Variants in DPH6 observed in about 807,000 individuals in gnomAD.
The protein encoded by DPH6 is diphthamine biosynthesis 6, also known as diphthine--ammonia ligase.
A neutral mutation model predicts 38.2 loss-of-function variants in DPH6; 33 were observed. That is an observed-to-expected ratio of 0.86 (90% confidence interval 0.65 to 1.15). DPH6 has a LOEUF of 1.15. DPH6 is among the 50% of genes most tolerant of loss of function. DPH6 has a pLI of 0.00. For synonymous variants in DPH6, 108 were observed against 103.0 expected (o/e 1.05, Z -0.30); for missense variants, 325 against 320.0 (o/e 1.02, Z -0.12).
chr15:35,186,256 G>A, the DPH6 span, among the ~76,000 whole-genome samples: 1 of 152,044 alleles, frequency 6.6e-6, no homozygotes, highest in Non-Finnish European at 1.5e-5. Context: ...AGAAAACCTG[G>A]GGAGGGGGCA....
chr15:35,285,898 C>T (rs1476071103), intron 3 of DPH6, among the ~76,000 whole-genome samples: 7 of 2,354 alleles, frequency 3.0e-3, no homozygotes, highest in Non-Finnish European at 3.4e-3. Context: ...TTACCTGAGA[C>T]CACTTGTTCA....
At chr15:35,291,012 G>C (rs1229571780) in intron 3 of DPH6, among the ~76,000 whole-genome samples, 1 of 151,908 alleles carries the variant, frequency 6.6e-6, no homozygotes, top group Admixed American at 6.6e-5. Context: ...AAAACCATTA[G>C]CCAAAAACTA....
At chr15:35,326,225 A>G (rs1031226001), downstream of DPH6, among the ~76,000 whole-genome samples, 3 of 152,136 alleles carry the variant, frequency 2.0e-5, no homozygotes, top group African/African-American at 7.2e-5. Context: ...TCATATCCAC[A>G]CATAAAAACA....
chr15:35,508,408 C>A (rs142364443), intron 3 of DPH6, among the ~76,000 whole-genome samples: 1 of 152,160 alleles, frequency 6.6e-6, no homozygotes, highest in East Asian at 1.9e-4. Flanking sequence ...GGCTTCTTTA[C>A]GAGGCATAAA....
intron 3 of DPH6, among the ~76,000 whole-genome samples, chr15:35,324,036 G>A (rs535440178): frequency 6.6e-6 from 1 of 152,276 alleles, no homozygotes; most frequent in South Asian, 2.1e-4. Flanking sequence ...GTGCTTGAGC[G>A]TATCCCACCA....
chr15:35,456,457 C>CTATATA lies in DPH6; in HGVS notation c.313-1643_313-1638dup, dbSNP rs34469895. 1.0e-3 allele frequency among the ~76,000 whole-genome samples: 146 copies of CTATATA among 144,132 alleles called. 1 individual carries two copies. The highest frequency in any genetic ancestry group is 2.9e-3 in the African/African-American group (116 of 39,940). The allele number at this position is 144,132 out of a possible 152,430, so 94.6% of individuals were successfully genotyped here. ...TTTCTTCCTTAACTAAGTCAAATTACTATATATATATATATATTTATTTAT... is the reference window on the plus strand; with the variant it reads ...TTTCTTCCTTAACTAAGTCAAATTACTATATATATATATATATATATATTTATTTAT... On this transcript the variant is annotated intron_variant, in intron 3 of 8. Transcript: ENST00000256538.
chr15:35,296,547 C>T (rs1444442232), intron 3 of DPH6, among the ~76,000 whole-genome samples: 3 of 152,152 alleles, frequency 2.0e-5, no homozygotes, highest in East Asian at 1.9e-4. Flanking sequence ...CTCCTTGCTA[C>T]TCTATTGTAT....
chr15:35,531,812 T>C (rs1320069246), intron 3 of DPH6, among the ~76,000 whole-genome samples: 2 of 152,130 alleles, frequency 1.3e-5, no homozygotes, highest in Non-Finnish European at 2.9e-5. Context: ...AAACTTATTC[T>C]TTTAATATTC....
At chr15:35,352,967 G>T (rs1306770738) in intron 3 of DPH6, among the ~76,000 whole-genome samples, 1 of 152,114 alleles carries the variant, frequency 6.6e-6, no homozygotes, top group Non-Finnish European at 1.5e-5. Flanking sequence ...TTCAATGATC[G>T]CCATTCAAAC....
chr15:35,487,276 G>C (rs2054416680), intron 3 of DPH6, among the ~76,000 whole-genome samples: 1 of 152,212 alleles, frequency 6.6e-6, no homozygotes, highest in Non-Finnish European at 1.5e-5. Flanking sequence ...AACTCTGGGT[G>C]GGGGTTTCAA....
chr15:35,261,495 G>C (rs1285850408), intron 3 of DPH6, among the ~76,000 whole-genome samples: 1 of 152,008 alleles, frequency 6.6e-6, no homozygotes, highest in Non-Finnish European at 1.5e-5. Flanking sequence ...GTTAACCAAT[G>C]TTGATGTCTC....
At chr15:35,210,561 T>A in the DPH6 span, among the ~76,000 whole-genome samples, 1 of 152,204 alleles carries the variant, frequency 6.6e-6, no homozygotes, top group African/African-American at 2.4e-5. Flanking sequence ...TCATATGTCA[T>A]ACACTATTTT....
intron 5 of DPH6, among the ~76,000 whole-genome samples, chr15:35,436,466 A>C (rs1156892513): frequency 7.6e-6 from 1 of 132,146 alleles, no homozygotes; most frequent in Non-Finnish European, 1.5e-5. Context: ...ACTCCGTCTC[A>C]AACAAAACAA....
intron 3 of DPH6, among the ~76,000 whole-genome samples, chr15:35,500,916 T>C (rs932285810): frequency 6.6e-6 from 1 of 152,086 alleles, no homozygotes; most frequent in Non-Finnish European, 1.5e-5. Flanking sequence ...AATTTTTGTA[T>C]TTTTAGTAGA....
chr15:35,447,135 C>A (rs1374879838), intron 5 of DPH6, among the ~76,000 whole-genome samples: 3 of 152,130 alleles, frequency 2.0e-5, no homozygotes, highest in Non-Finnish European at 4.4e-5. Context: ...TCCCAAAGTG[C>A]TGGGATTACA....
At chr15:35,202,917 G>A in the DPH6 span, among the ~76,000 whole-genome samples, 5 of 151,650 alleles carry the variant, frequency 3.3e-5, no homozygotes, top group East Asian at 1.9e-4. Context: ...CTGAAAAGGA[G>A]AGAGGCGCTA....
intron 3 of DPH6, among the ~76,000 whole-genome samples, chr15:35,494,032 G>C (rs2054517176): frequency 6.6e-6 from 1 of 152,002 alleles, no homozygotes; most frequent in African/African-American, 2.4e-5. Context: ...TTAGCTATGT[G>C]GCCTTTATCT....
chr15:35,528,478 A>G (rs1454410939), intron 3 of DPH6, among the ~76,000 whole-genome samples: 1 of 152,152 alleles, frequency 6.6e-6, no homozygotes, highest in Non-Finnish European at 1.5e-5. Flanking sequence ...GTCACTATTT[A>G]TTTAAATACC....
intron 3 of DPH6, among the ~76,000 whole-genome samples, chr15:35,484,712 T>C (rs1349485709): frequency 6.6e-6 from 1 of 152,126 alleles, no homozygotes; most frequent in African/African-American, 2.4e-5. Flanking sequence ...ACATCTTCTG[T>C]AAGTCTCGGG....
Sources: allele counts gnomAD v4.1 joint callset (sites outside exome capture counted in the v4.1 genomes callset), GRCh38; gene constraint gnomAD v4.1.1; transcripts MANE v1.5; gene names NCBI Gene and HGNC (gene_info 2026-07-23, HGNC 2026-07-21).